DLG2: variants seen among roughly 807,000 people sequenced by gnomAD.
DLG2 encodes discs large MAGUK scaffold protein 2.
In DLG2, 45 loss-of-function variants were observed where a neutral mutation model predicts 132.5. The ratio of observed to expected loss-of-function variants is 0.34; its 90% CI spans 0.27 to 0.44. The LOEUF is 0.44. Among genes scored for constraint, DLG2 ranks in the 20% least tolerant of loss-of-function variants. DLG2 has a pLI of 1.00. For synonymous variants in DLG2, 424 were observed against 419.6 expected (o/e 1.01, Z -0.13); for missense variants, 1,045 against 1,196.9 (o/e 0.87, Z 1.87).
chr11:84,662,311 G>A (rs1358947597), intron 6 of DLG2, among the ~76,000 whole-genome samples: 1 of 151,556 alleles, frequency 6.6e-6, no homozygotes, highest in Non-Finnish European at 1.5e-5. Context: ...CAAGTAGCTG[G>A]GATTATAGGC....
chr11:84,101,705 T>G (rs767472954), intron 9 of DLG2, among the ~76,000 whole-genome samples: 1 of 152,076 alleles, frequency 6.6e-6, no homozygotes, highest in Non-Finnish European at 1.5e-5. Flanking sequence ...GTATTTTCAA[T>G]GTAATTTGGG....
chr11:84,422,735 T>G (rs2098954856), intron 7 of DLG2, among the ~76,000 whole-genome samples: 1 of 152,178 alleles, frequency 6.6e-6, no homozygotes, highest in Non-Finnish European at 1.5e-5. Flanking sequence ...ATTTACTAGT[T>G]ATATTACAAT....
At chr11:85,384,713 G>T (rs1194482943) in intron 3 of DLG2, among the ~76,000 whole-genome samples, 1 of 152,064 alleles carries the variant, frequency 6.6e-6, no homozygotes, top group Non-Finnish European at 1.5e-5. Flanking sequence ...GACTACAGGT[G>T]CATGCCACCA....
chr11:83,982,914 G>A (rs1187846699), intron 11 of DLG2, among the ~76,000 whole-genome samples: 6 of 152,128 alleles, frequency 3.9e-5, no homozygotes, highest in African/African-American at 9.6e-5. Flanking sequence ...CCTACAGTAC[G>A]CAGTATAGTA....
chr11:85,094,107 C>T (rs2069318319), intron 6 of DLG2, among the ~76,000 whole-genome samples: 1 of 152,124 alleles, frequency 6.6e-6, no homozygotes, highest in Non-Finnish European at 1.5e-5. Flanking sequence ...TCTGAGATTT[C>T]AACATTGGAA....
At chr11:83,866,624 T>C (rs2062433032) in intron 16 of DLG2, among the ~76,000 whole-genome samples, 1 of 152,180 alleles carries the variant, frequency 6.6e-6, no homozygotes, top group African/African-American at 2.4e-5. Flanking sequence ...AGAAAGTTTA[T>C]TCACAATTAC....
intron 6 of DLG2, among the ~76,000 whole-genome samples, chr11:85,110,262 A>T (rs1226635714): frequency 6.6e-6 from 1 of 151,974 alleles, no homozygotes; most frequent in African/African-American, 2.4e-5. Flanking sequence ...AATACGAAAA[A>T]AAAAATTAGC....
chr11:84,561,004 G>A (rs1328108317), intron 6 of DLG2, among the ~76,000 whole-genome samples: 4 of 152,152 alleles, frequency 2.6e-5, no homozygotes, highest in Non-Finnish European at 5.9e-5. Flanking sequence ...TTCTCATGGT[G>A]TTTGGTCTGG....
chr11:84,622,828 T>A (rs1295369280), intron 6 of DLG2, among the ~76,000 whole-genome samples: 3 of 152,180 alleles, frequency 2.0e-5, no homozygotes, highest in Non-Finnish European at 4.4e-5. Context: ...GAATGCCATG[T>A]ATGTTCTAGC....
intron 7 of DLG2, among the ~76,000 whole-genome samples, chr11:84,351,324 C>T (rs1409069945): frequency 1.3e-5 from 2 of 152,054 alleles, no homozygotes; most frequent in Non-Finnish European, 2.9e-5. Context: ...CAGGTCCTCT[C>T]ATATTTCTGA....
intron 10 of DLG2, among the ~76,000 whole-genome samples, chr11:84,069,045 G>C (rs1018199233): frequency 3.9e-5 from 6 of 152,150 alleles, no homozygotes; most frequent in African/African-American, 1.4e-4. Flanking sequence ...ACAAAATCTA[G>C]ATCAATCTTT....
intron 19 of DLG2, among the ~76,000 whole-genome samples, chr11:83,628,652 T>C (rs756528860): frequency 6.6e-6 from 1 of 152,202 alleles, no homozygotes; most frequent in Admixed American, 6.5e-5. Context: ...CTTCCCTCTA[T>C]TTCTACCTCC....
chr11:83,498,675 GA>G (rs149518875), intron 21 of DLG2, among the ~76,000 whole-genome samples: 425 of 132,996 alleles, frequency 3.2e-3, no homozygotes, highest in African/African-American at 6.4e-3. Context: ...AAAGCAAGGA[GA>G]AAAAAAAAAA....
intron 3 of DLG2, among the ~76,000 whole-genome samples, chr11:85,412,600 T>C (rs952246569): frequency 6.6e-6 from 1 of 151,640 alleles, no homozygotes; most frequent in Non-Finnish European, 1.5e-5. Context: ...CTCCCACTTA[T>C]GAGTGAGAAC....
At chr11:85,231,539 G>A (rs2075299992) in intron 4 of DLG2, among the ~76,000 whole-genome samples, 1 of 151,476 alleles carries the variant, frequency 6.6e-6, no homozygotes, top group Non-Finnish European at 1.5e-5. Flanking sequence ...TAATATTTCT[G>A]TCACCAATCT....
chr11:84,321,247 C>G (rs1400071269), intron 7 of DLG2, among the ~76,000 whole-genome samples: 1 of 152,122 alleles, frequency 6.6e-6, no homozygotes, highest in African/African-American at 2.4e-5. Flanking sequence ...TGATGTCTAA[C>G]CCAGCATCAT....
intron 3 of DLG2, among the ~76,000 whole-genome samples, chr11:85,455,998 T>C (rs1159050142): frequency 6.6e-6 from 1 of 152,178 alleles, no homozygotes; most frequent in African/African-American, 2.4e-5. Context: ...CAGGTTTTGG[T>C]ATCAGGATGA....
chr11:84,754,389 A>G (rs1164847669), intron 6 of DLG2, among the ~76,000 whole-genome samples: 3 of 152,178 alleles, frequency 2.0e-5, no homozygotes, highest in South Asian at 2.1e-4. Context: ...TTACTTTTAT[A>G]TAACAATGCA....
chr11:85,177,315 A>T (rs947491088), intron 4 of DLG2, among the ~76,000 whole-genome samples: 1 of 151,810 alleles, frequency 6.6e-6, no homozygotes, highest in Non-Finnish European at 1.5e-5. Flanking sequence ...ACACATACAT[A>T]CATACCAGGG....
Sources: gnomAD v4.1 joint callset for allele counts (sites outside exome capture counted in the v4.1 genomes callset) on GRCh38, gnomAD v4.1.1 for gene constraint, MANE v1.5 for transcripts, NCBI Gene and HGNC (gene_info 2026-07-23, HGNC 2026-07-21) for gene names.